Variants in CSMD3 observed in about 807,000 individuals in gnomAD.
CSMD3 encodes CUB and sushi domain-containing protein 3.
A neutral mutation model predicts 435.2 loss-of-function variants in CSMD3; 177 were observed. The observed-to-expected ratio is 0.41, with a 90% confidence interval of 0.36 to 0.46. The LOEUF (loss-of-function observed/expected upper bound fraction) is 0.46, where lower values mean the gene tolerates loss of function less well. Among genes scored for constraint, CSMD3 ranks in the 20% least tolerant of loss-of-function variants. The probability of loss-of-function intolerance (pLI) is 0.34; values close to 1 mark genes in which losing one functional copy is unlikely to be tolerated. For missense variants in CSMD3, 4,265 were observed against 4,504.6 expected (o/e 0.95, Z 1.52); for synonymous variants, 1,656 against 1,520.5 (o/e 1.09, Z -2.07).
intron 28 of CSMD3, among the ~76,000 whole-genome samples, chr8:112,509,289 A>G (rs1278727634): frequency 6.6e-6 from 1 of 151,944 alleles, no homozygotes; most frequent in African/African-American, 2.4e-5. Context: ...GAGTTTTGCC[A>G]TGTTGCCCAG....
chr8:112,639,543 C>A (rs773213480), intron 20 of CSMD3, among the ~76,000 whole-genome samples: 1 of 152,114 alleles, frequency 6.6e-6, no homozygotes, highest in Non-Finnish European at 1.5e-5. Flanking sequence ...CACAATAATA[C>A]CAACACCCAG....
intron 2 of CSMD3, among the ~76,000 whole-genome samples, chr8:113,302,471 A>G (rs980342431): frequency 6.6e-6 from 1 of 151,138 alleles, no homozygotes; most frequent in Non-Finnish European, 1.5e-5. Flanking sequence ...AATATCAAAT[A>G]TTAACACAAC....
chr8:112,532,993 CTTTG>C (rs1484848293), intron 27 of CSMD3, among the ~76,000 whole-genome samples: 1 of 152,140 alleles, frequency 6.6e-6, no homozygotes, highest in East Asian at 1.9e-4. Context: ...ATAGATATTT[CTTTG>C]TTTGTTTCTG....
intron 28 of CSMD3, among the ~76,000 whole-genome samples, chr8:112,509,827 G>A (rs1822913487): frequency 6.6e-6 from 1 of 152,116 alleles, no homozygotes; most frequent in Non-Finnish European, 1.5e-5. Context: ...TTTATACCCT[G>A]ATAACACCTT....
intron 22 of CSMD3, among the ~76,000 whole-genome samples, chr8:112,588,039 AAAC>A (rs1830877492): frequency 6.6e-6 from 1 of 151,912 alleles, no homozygotes; most frequent in Admixed American, 6.6e-5. Context: ...TTGCAAAAGA[AAAC>A]AATAAGTCCT....
intron 6 of CSMD3, among the ~76,000 whole-genome samples, chr8:112,980,876 G>T (rs776263761): frequency 6.6e-6 from 1 of 151,428 alleles, no homozygotes; most frequent in Non-Finnish European, 1.5e-5. Flanking sequence ...GTTCAAACTG[G>T]TAGATGGGTG....
intron 69 of CSMD3, among the ~76,000 whole-genome samples, chr8:112,230,559 C>T (rs956061779): frequency 1.1e-4 from 16 of 152,018 alleles, no homozygotes; most frequent in African/African-American, 3.4e-4. Context: ...GAGGCCAAGG[C>T]GGGCGGATCA....
chr8:112,476,428 T>C (rs951972258), intron 31 of CSMD3, among the ~76,000 whole-genome samples: 1 of 152,144 alleles, frequency 6.6e-6, no homozygotes, highest in African/African-American at 2.4e-5. Context: ...GTGTGGGAAA[T>C]ACAAATGAAG....
intron 13 of CSMD3, among the ~76,000 whole-genome samples, chr8:112,734,092 A>G (rs988985775): frequency 5.9e-5 from 9 of 151,996 alleles, no homozygotes; most frequent in Non-Finnish European, 1.3e-4. Flanking sequence ...GACAAATGCA[A>G]TAAAAGCTAG....
At chr8:112,590,194 A>G (rs1473656723) in intron 22 of CSMD3, among the ~76,000 whole-genome samples, 3 of 152,234 alleles carry the variant, frequency 2.0e-5, no homozygotes, top group African/African-American at 7.2e-5. Flanking sequence ...TGAGGGGAAT[A>G]GTTGAAGCTC....
intron 31 of CSMD3, among the ~76,000 whole-genome samples, chr8:112,491,156 A>T (rs963284593): frequency 1.3e-5 from 2 of 152,212 alleles, no homozygotes; most frequent in South Asian, 4.1e-4. Context: ...ATAAGTGAAT[A>T]CATTCTACAA....
intron 6 of CSMD3, among the ~76,000 whole-genome samples, chr8:112,980,499 A>C (rs1399039465): frequency 6.6e-6 from 1 of 151,550 alleles, no homozygotes; most frequent in Non-Finnish European, 1.5e-5. Flanking sequence ...TTTAACATTA[A>C]AACATCTAAA....
At chr8:112,664,090 C>G (rs2131696660) in intron 17 of CSMD3, among the ~76,000 whole-genome samples, 1 of 152,134 alleles carries the variant, frequency 6.6e-6, no homozygotes, top group African/African-American at 2.4e-5. Flanking sequence ...ATGAAAATAA[C>G]ATATTTTCAA....
Position 112,647,394 on chromosome 8 carries a change from C to G in CSMD3, c.3194-2169G>C, listed in dbSNP as rs147929335. Among the ~76,000 whole-genome samples, 1,380 of 152,022 alleles carry G rather than the reference C, an allele frequency of 9.1e-3. 10 individuals are homozygous for G. Among genetic ancestry groups the G allele is most frequent in the Non-Finnish European group, 0.014 (943 of 67,958 alleles). On this transcript the variant is annotated intron_variant, in intron 19 of 70. Coordinates refer to ENST00000297405, the MANE Select transcript of CSMD3 (RefSeq NM_198123.2). Reference sequence around the variant, plus strand: ...TCGGCTCCCTGAAAGCTCCGCCCCCCGGGTTCACGCCATTCTCCTGCCTCA... The same window carrying G: ...TCGGCTCCCTGAAAGCTCCGCCCCCGGGGTTCACGCCATTCTCCTGCCTCA...
intron 13 of CSMD3, among the ~76,000 whole-genome samples, chr8:112,746,642 T>A (rs1010838535): frequency 6.6e-6 from 1 of 151,538 alleles, no homozygotes; most frequent in Non-Finnish European, 1.5e-5. Context: ...TAGTTATATA[T>A]ATTATTTATT....
At chr8:112,268,361 A>G (rs1817152203) in intron 59 of CSMD3, among the ~76,000 whole-genome samples, 1 of 152,342 alleles carries the variant, frequency 6.6e-6, no homozygotes, top group African/African-American at 2.4e-5. Context: ...TTTATGATAA[A>G]TCTAAGTAAA....
chr8:112,668,513 G>A (rs975545660), intron 16 of CSMD3, among the ~76,000 whole-genome samples: 3 of 152,072 alleles, frequency 2.0e-5, no homozygotes, highest in African/African-American at 4.8e-5. Flanking sequence ...GAAGCATTCC[G>A]ACTAGCCACT....
intron 37 of CSMD3, among the ~76,000 whole-genome samples, chr8:112,381,289 A>G (rs562803133): frequency 5.4e-4 from 83 of 152,308 alleles, no homozygotes; most frequent in African/African-American, 1.9e-3. Flanking sequence ...CAGCAAATGC[A>G]TTATAATGAT....
intron 2 of CSMD3, among the ~76,000 whole-genome samples, chr8:113,279,657 T>C (rs1384738685): frequency 6.6e-6 from 1 of 151,750 alleles, no homozygotes; most frequent in Non-Finnish European, 1.5e-5. Context: ...TTTTAATCAA[T>C]GAGAGAACAA....
Sources: gnomAD v4.1 joint callset for allele counts (sites outside exome capture counted in the v4.1 genomes callset) on GRCh38, gnomAD v4.1.1 for gene constraint, MANE v1.5 for transcripts, NCBI Gene and HGNC (gene_info 2026-07-23, HGNC 2026-07-21) for gene names.